CASZ1: variants seen among roughly 807,000 people sequenced by gnomAD.
CASZ1 encodes zinc finger protein castor homolog 1.
A neutral mutation model predicts 135.2 loss-of-function variants in CASZ1; 28 were observed. The ratio of observed to expected loss-of-function variants is 0.21; its 90% CI spans 0.15 to 0.28. The LOEUF is 0.28. Ranked by LOEUF, CASZ1 falls within the 10% of genes least tolerant of loss-of-function variation. The pLI, the probability that CASZ1 is intolerant of heterozygous loss-of-function variation, is 1.00. For missense variants in CASZ1, 2,161 were observed against 2,453.3 expected (o/e 0.88, Z 2.52); for synonymous variants, 1,068 against 1,073.4 (o/e 0.99, Z 0.10).
rs1267954076 is a variant in CASZ1 at position 10,637,376 on chromosome 1, T to C, written c.*1566A>G. ...TCCTCCCTCCCTGCTCCCTGTCCAGTTCGGGTGGTCCTGGCTTTCTGGCTG... is the reference window on the plus strand; with the variant it reads ...TCCTCCCTCCCTGCTCCCTGTCCAGCTCGGGTGGTCCTGGCTTTCTGGCTG... On this transcript the variant is annotated 3_prime_UTR_variant, in exon 21 of 21. Coordinates refer to ENST00000377022, the MANE Select transcript of CASZ1 (RefSeq NM_001079843.3). The C allele has an allele frequency of 6.6e-6, 1 of 152,608 alleles. No individual in the cohort carries two copies. Among genetic ancestry groups the C allele is most frequent in the East Asian group, 1.9e-4 (1 of 5,208 alleles). The allele number at this position is 152,608 out of a possible 1,614,324, so 9.5% of individuals were successfully genotyped here. A position where few individuals can be genotyped will look rare whatever the true frequency, so the allele number is the denominator to read the frequency against.
chr1:10,651,763 T>A (rs988365706), intron 11 of CASZ1: 1 of 152,204 alleles, frequency 6.6e-6, no homozygotes, highest in Non-Finnish European at 1.5e-5. Flanking sequence ...GACGGAAATA[T>A]GAATTTGCCC....
Position 10,755,535 on chromosome 1 carries a change from C to T in CASZ1, c.-77+5166G>A, listed in dbSNP as rs963254298. On this transcript the variant is annotated intron_variant, in intron 2 of 20. Transcript: ENST00000377022. The surrounding 1 kb of genome is among the most constrained non-coding windows in gnomAD (Gnocchi z 4.3). ...CTGCGTCACCCGCCGAGAAGTCCCC[C>T]GAGTAGCTCCAGACAGGGCAGGTGC... Among the ~76,000 whole-genome samples the T allele has an allele frequency of 2.6e-5, 4 of 152,126 alleles. No homozygotes were observed. The highest frequency in any genetic ancestry group is 2.1e-4 in the South Asian group (1 of 4,816).
In CASZ1 at chr1:10,757,645, A is replaced by G. The variant is rs1362726211; in HGVS notation, c.-77+3056T>C. Among the ~76,000 whole-genome samples the G allele has an allele frequency of 6.6e-6, 1 of 152,114 alleles. No individual in the cohort carries two copies. The highest frequency in any genetic ancestry group is 1.9e-4 in the East Asian group (1 of 5,192). On this transcript the variant is annotated intron_variant, in intron 2 of 20. Transcript: ENST00000377022. The surrounding 1 kb of genome is among the most constrained non-coding windows in gnomAD (Gnocchi z 4.6). ...TCTACTAAAAACACTAAAATTAGCC[A>G]GGCATGGTGGCGCTTGCCTATAATC...
Position 10,639,919 on chromosome 1 carries a change from G to A in CASZ1, c.4303C>T (p.Arg1435Trp). ...CAGTCCTCGTAAAGGTCGAAGCGCC[G>A]GAAGCCCTCCAGCATCATGCCCTCG... ...LDEGMMLEGF[R>W]RFDLYEDCKD... Residue 1435 changes from arginine to tryptophan, a missense_variant, in exon 21 of 21, where the codon CGG becomes TGG. By Grantham distance (101) the Arg-to-Trp change is moderately radical. Transcript: ENST00000377022. This position sits in a 1 kb window ranked among gnomAD's most constrained non-coding sequence, Gnocchi z 4.0. The A allele has an allele frequency of 3.7e-6, 6 of 1,612,906 alleles. No individual in the cohort carries two copies. Among genetic ancestry groups the A allele is most frequent in the Non-Finnish European group, 4.2e-6 (5 of 1,179,992 alleles).
chr1:10,786,423 A>C (rs1640859861), intron 1 of CASZ1, among the ~76,000 whole-genome samples: 1 of 152,226 alleles, frequency 6.6e-6, no homozygotes, highest in African/African-American at 2.4e-5. Context: ...ATCTGTGTGC[A>C]GCACCACGTC....
intron 4 of CASZ1, 134 bp downstream of exon 4, chr1:10,693,740 C>G: frequency 1.2e-6 from 1 of 821,170 alleles, no homozygotes; most frequent in Non-Finnish European, 2.1e-6. Context: ...GCCGGGACGC[C>G]GGGAGGCAGC....
intron 6 of CASZ1, 89 bp downstream of exon 6, chr1:10,659,613 C>T: frequency 9.3e-7 from 1 of 1,071,566 alleles, no homozygotes; most frequent in East Asian, 2.4e-5. Flanking sequence ...CAGGTGTGTC[C>T]TCAAGCACGG....
rs1181949456 is a variant in CASZ1, at chr1:10,747,170, A to G, written c.-77+13531T>C. ...GGAGGCTCCAGCTACTCCACCAGCT[A>G]CCCCCATACCCTCTGAGCCTCTGGC... is the stretch of plus-strand genomic sequence containing the variant. On this transcript the variant is annotated intron_variant, in intron 2 of 20. Coordinates refer to ENST00000377022, the MANE Select transcript of CASZ1 (RefSeq NM_001079843.3). This position sits in a 1 kb window ranked among gnomAD's most constrained non-coding sequence, Gnocchi z 4.3. Among the ~76,000 whole-genome samples, 1 of 152,058 alleles carries G rather than the reference A, an allele frequency of 6.6e-6. No homozygotes were observed. Among genetic ancestry groups the G allele is most frequent in the Non-Finnish European group, 1.5e-5 (1 of 67,992 alleles).
At chr1:10,745,138 C>A (rs1202685990) in intron 2 of CASZ1, among the ~76,000 whole-genome samples, 2 of 152,170 alleles carry the variant, frequency 1.3e-5, no homozygotes, top group Non-Finnish European at 2.9e-5. Flanking sequence ...GAGGACCGAT[C>A]CCCAAAAGCT....
rs188142152 is a variant in CASZ1 at position 10,724,296 on chromosome 1, T to C, written c.-76-18752A>G. ...AGCACCAAGAACCTTTCTGAGGAAA[T>C]CAAAGTGAACGCAACTGTTACCAAG... On this transcript the variant is annotated intron_variant, in intron 2 of 20. Transcript: ENST00000377022. This position sits in a 1 kb window ranked among gnomAD's most constrained non-coding sequence, Gnocchi z 4.1. Among the ~76,000 whole-genome samples the C allele has an allele frequency of 1.8e-3, 278 of 152,252 alleles. No individual in the cohort carries two copies. Among genetic ancestry groups the C allele is most frequent in the African/African-American group, 6.4e-3 (268 of 41,556 alleles).
intron 4 of CASZ1, among the ~76,000 whole-genome samples, chr1:10,667,955 A>G (rs1194282129): frequency 1.4e-5 from 2 of 146,542 alleles, no homozygotes; most frequent in African/African-American, 5.1e-5. Flanking sequence ...CCCCAGCCCC[A>G]GGCCCCTTTG....
At chr1:10,693,439 A>G (rs911203466) in intron 4 of CASZ1, among the ~76,000 whole-genome samples, 5 of 145,346 alleles carry the variant, frequency 3.4e-5, no homozygotes, top group East Asian at 2.1e-4. Context: ...ACCACCCCCC[A>G]CTAAAAAAAT....
intron 7 of CASZ1, 125 bp downstream of exon 7, chr1:10,658,383 T>C (rs1346893126): frequency 1.4e-6 from 1 of 733,922 alleles, no homozygotes; most frequent in Non-Finnish European, 2.3e-6. Flanking sequence ...CCGAAGTGGA[T>C]GGGGATGGGA....
chr1:10,645,995 C>T (rs1642352480), intron 17 of CASZ1, 133 bp downstream of exon 17: 15 of 865,198 alleles, frequency 1.7e-5, no homozygotes, highest in African/African-American at 3.3e-5. Flanking sequence ...TTCCAGAGTC[C>T]GGGAGGCCCA....
At chr1:10,658,890 G>A (rs1642899296) in intron 6 of CASZ1, among the ~76,000 whole-genome samples, 1 of 152,206 alleles carries the variant, frequency 6.6e-6, no homozygotes, top group African/African-American at 2.4e-5. Context: ...TGGCTGAGGG[G>A]CACCAGGCCT....
intron 2 of CASZ1, among the ~76,000 whole-genome samples, chr1:10,731,429 A>T (rs2100509002): frequency 6.6e-6 from 1 of 152,022 alleles, no homozygotes; most frequent in Admixed American, 6.6e-5. Context: ...CTAAAAATAA[A>T]AAAAAAGTAG....
At chr1:10,678,722 G>C (rs1290260787) in intron 4 of CASZ1, among the ~76,000 whole-genome samples, 1 of 152,168 alleles carries the variant, frequency 6.6e-6, no homozygotes, top group South Asian at 2.1e-4. Flanking sequence ...CGTCCCGAGC[G>C]GGAGGGGGGA....
intron 5 of CASZ1, among the ~76,000 whole-genome samples, chr1:10,664,108 C>T (rs542998144): frequency 1.6e-4 from 24 of 152,326 alleles, no homozygotes; most frequent in African/African-American, 4.3e-4. Flanking sequence ...ACTGATGTGG[C>T]GAAGGATAAT....
At chr1:10,731,449 G>T (rs750259498) in intron 2 of CASZ1, among the ~76,000 whole-genome samples, 3 of 152,064 alleles carry the variant, frequency 2.0e-5, no homozygotes, top group Non-Finnish European at 4.4e-5. Context: ...GCCAGGCATT[G>T]TGGCATGCGC....
Sources: allele counts gnomAD v4.1 joint callset (sites outside exome capture counted in the v4.1 genomes callset), GRCh38; gene constraint gnomAD v4.1.1; non-coding constraint Gnocchi (gnomAD v3.1); transcripts MANE v1.5; gene names NCBI Gene and HGNC (gene_info 2026-07-23, HGNC 2026-07-21).